ZNF423: variants seen among roughly 807,000 people sequenced by gnomAD.
ZNF423 encodes the protein zinc finger protein 423, also known as Ebf-associated zinc finger protein.
In ZNF423, 12 loss-of-function variants were observed where a neutral mutation model predicts 95.8. The ratio of observed to expected loss-of-function variants is 0.13; its 90% CI spans 0.08 to 0.20. The LOEUF (loss-of-function observed/expected upper bound fraction) is 0.20. ZNF423 is among the 10% of genes least tolerant of loss of function. The pLI, the probability that ZNF423 is intolerant of heterozygous loss-of-function variation, is 1.00. For synonymous variants in ZNF423, 749 were observed against 711.9 expected (o/e 1.05, Z -0.83); for missense variants, 1,316 against 1,737.1 (o/e 0.76, Z 4.31).
chr16:49,608,052 C>T (rs1971595314), intron 5 of ZNF423, among the ~76,000 whole-genome samples: 1 of 152,204 alleles, frequency 6.6e-6, no homozygotes, highest in Admixed American at 6.5e-5. Flanking sequence ...CCCCTCAACC[C>T]CCAAGCACCA....
In ZNF423 at chr16:49,855,177, G is replaced by GCCCGGGGCGCTCGCCGACAGCA. The variant is rs2035347495; in HGVS notation, c.40+557_40+558insTGCTGTCGGCGAGCGCCCCGGG. On this transcript the variant is annotated intron_variant, in intron 1 of 7. Coordinates refer to ENST00000563137, the MANE Select transcript of ZNF423 (RefSeq NM_001379286.1). This position sits in a 1 kb window ranked among gnomAD's most constrained non-coding sequence, Gnocchi z 4.7. Reference sequence around the variant, plus strand: ...CAGGCGGCCGGGGCGAGGGCGCGGCGCCCGGGGCGCTCGCCGACAGCGCCC... The same window carrying GCCCGGGGCGCTCGCCGACAGCA: ...CAGGCGGCCGGGGCGAGGGCGCGGCGCCCGGGGCGCTCGCCGACAGCACCCGGGGCGCTCGCCGACAGCGCCC... 6.7e-6 allele frequency among the ~76,000 whole-genome samples: 1 copy of GCCCGGGGCGCTCGCCGACAGCA among 150,054 alleles called. No individual in the cohort carries two copies. The highest frequency in any genetic ancestry group is 1.5e-5 in the Non-Finnish European group (1 of 67,246).
At chr16:49,802,989 T>C (rs1260527903) in intron 1 of ZNF423, among the ~76,000 whole-genome samples, 3 of 152,192 alleles carry the variant, frequency 2.0e-5, no homozygotes, top group Non-Finnish European at 4.4e-5. Context: ...GCCCGATGGC[T>C]CACACTTGCA....
At chr16:49,525,123 G>A (rs1235586210) in intron 6 of ZNF423, among the ~76,000 whole-genome samples, 2 of 152,216 alleles carry the variant, frequency 1.3e-5, no homozygotes, top group African/African-American at 4.8e-5. Flanking sequence ...AGGAGAGGGT[G>A]CCAACCAGCC....
chr16:49,598,142 G>GGGCGACAGAGCGAGACTCCGTCTCAAAA (rs1189406664), intron 5 of ZNF423, among the ~76,000 whole-genome samples: 20 of 150,388 alleles, frequency 1.3e-4, no homozygotes, highest in Non-Finnish European at 2.5e-4. Flanking sequence ...GTGTGTATTT[G>GGGCGACAGAGCGAGACTCCGTCTCAAAA]AAGAAAACAG....
intron 7 of ZNF423, among the ~76,000 whole-genome samples, chr16:49,517,094 G>A (rs1968178003): frequency 6.6e-6 from 1 of 152,208 alleles, no homozygotes; most frequent in African/African-American, 2.4e-5. Context: ...GAGGCAGAAG[G>A]CAGGGACCAG....
intron 1 of ZNF423, among the ~76,000 whole-genome samples, chr16:49,848,729 G>A (rs539870600): frequency 6.6e-6 from 1 of 152,230 alleles, no homozygotes; most frequent in East Asian, 1.9e-4. Flanking sequence ...AATTGCTGGC[G>A]AATACAGGCT....
chr16:49,788,915 A>G (rs1000160928), intron 2 of ZNF423, among the ~76,000 whole-genome samples: 1 of 152,188 alleles, frequency 6.6e-6, no homozygotes, highest in African/African-American at 2.4e-5. Context: ...AGTCAGAAAA[A>G]CTTTACTCAT....
intron 3 of ZNF423, among the ~76,000 whole-genome samples, chr16:49,677,307 AGAAAG>A (rs2031131488): frequency 2.9e-5 from 2 of 69,850 alleles, no homozygotes; most frequent in African/African-American, 9.5e-5. Context: ...AGAAGAGAAG[AGAAAG>A]GAGGGGAAGG....
intron 5 of ZNF423, among the ~76,000 whole-genome samples, chr16:49,617,506 T>C (rs1196365688): frequency 6.6e-6 from 1 of 152,104 alleles, no homozygotes; most frequent in Non-Finnish European, 1.5e-5. Flanking sequence ...GAGAAGAACA[T>C]GCTTATGAGC....
At chr16:49,676,598 C>T (rs1171084660) in intron 3 of ZNF423, among the ~76,000 whole-genome samples, 5 of 152,166 alleles carry the variant, frequency 3.3e-5, no homozygotes, top group Non-Finnish European at 1.5e-5. Flanking sequence ...CAGGTGGCCA[C>T]TTCTGCAGCC....
In ZNF423 at chr16:49,666,113, G is replaced by A. The variant is rs1057086089; in HGVS notation, c.302-27239C>T. Among the ~76,000 whole-genome samples, 3 of 152,322 alleles carry A rather than the reference G, an allele frequency of 2.0e-5. No individual in the cohort carries two copies. In the South Asian group the frequency reaches 6.2e-4, roughly 32 times the overall value. On this transcript the variant is annotated intron_variant, in intron 3 of 7. Transcript: ENST00000563137. ...AAGGCCGGGGAGAGCTGGGGAGACG[G>A]AATGCGGCCCCCCAGATCCTGGCTG...
chr16:49,529,249 G>C (rs779139690), intron 5 of ZNF423, among the ~76,000 whole-genome samples: 2 of 151,620 alleles, frequency 1.3e-5, no homozygotes, highest in Non-Finnish European at 2.9e-5. Flanking sequence ...CTGAAATTCA[G>C]ATCTTGCCTC....
chr16:49,839,116 C>A (rs2035155326), intron 1 of ZNF423, among the ~76,000 whole-genome samples: 1 of 149,480 alleles, frequency 6.7e-6, no homozygotes, highest in African/African-American at 2.5e-5. Flanking sequence ...TCCTCCTCTC[C>A]GACCCTTGAC....
At position 49,492,690 on chromosome 16, in the gene ZNF423, G is replaced by A. The variant is rs1388662835; in HGVS notation, c.3850-1386C>T. 1.3e-5 allele frequency among the ~76,000 whole-genome samples: 2 copies of A among 152,218 alleles called. No individual in the cohort carries two copies. Among genetic ancestry groups the A allele is most frequent in the Non-Finnish European group, 2.9e-5 (2 of 68,018 alleles). ...CCAAGCGACAGCCTCGTGCTCATGC[G>A]GGCGGAGCAGGCGCACGGCCGGGGC... On this transcript the variant is annotated intron_variant, in intron 7 of 7. Transcript: ENST00000563137. This position sits in a 1 kb window ranked among gnomAD's most constrained non-coding sequence, Gnocchi z 4.2.
chr16:49,643,696 A>C (rs1446579834), intron 3 of ZNF423, among the ~76,000 whole-genome samples: 3 of 151,928 alleles, frequency 2.0e-5, no homozygotes, highest in African/African-American at 7.3e-5. Context: ...AAACACACAC[A>C]CACTTGCAAA....
At chr16:49,513,837 G>A (rs1968007835) in intron 7 of ZNF423, among the ~76,000 whole-genome samples, 1 of 152,110 alleles carries the variant, frequency 6.6e-6, no homozygotes, top group African/African-American at 2.4e-5. Flanking sequence ...AGGCTTCTCA[G>A]GGGAGGAGGC....
chr16:49,571,975 GATTGAGCACCTACT>G (rs1970368776), intron 5 of ZNF423, among the ~76,000 whole-genome samples: 1 of 152,196 alleles, frequency 6.6e-6, no homozygotes, highest in South Asian at 2.1e-4. Flanking sequence ...AAAAAATACT[GATTGAGCACCTACT>G]ATGTGCCAAG....
chr16:49,608,854 G>C (rs1971624503), intron 5 of ZNF423, among the ~76,000 whole-genome samples: 1 of 152,192 alleles, frequency 6.6e-6, no homozygotes, highest in African/African-American at 2.4e-5. Flanking sequence ...AGGCTGAATG[G>C]AGATCTGAGA....
intron 5 of ZNF423, among the ~76,000 whole-genome samples, chr16:49,609,895 T>C (rs960424269): frequency 6.6e-6 from 1 of 152,008 alleles, no homozygotes; most frequent in African/African-American, 2.4e-5. Flanking sequence ...ATATTCCAAC[T>C]CCTGAAAACT....
Sources: gnomAD v4.1 joint callset for allele counts (sites outside exome capture counted in the v4.1 genomes callset) on GRCh38, gnomAD v4.1.1 for gene constraint, Gnocchi (gnomAD v3.1) non-coding constraint, MANE v1.5 for transcripts, NCBI Gene and HGNC (gene_info 2026-07-23, HGNC 2026-07-21) for gene names.